Variants in AKAP19 observed in about 807,000 individuals in gnomAD.
AKAP19 encodes small A-kinase anchoring protein.
At chr2:189,967,087 A>G in the AKAP19 span, among the ~76,000 whole-genome samples, 2 of 152,206 alleles carry the variant, frequency 1.3e-5, no homozygotes, top group African/African-American at 2.4e-5. Flanking sequence ...GACTTTGTAC[A>G]TAATTTCTTA....
chr2:189,930,841 G>T, the AKAP19 span: 1 of 771,142 alleles, frequency 1.3e-6, no homozygotes, highest in Non-Finnish European at 2.4e-6. Context: ...AATTTGTTAG[G>T]ATAGGTGTTT....
the AKAP19 span, among the ~76,000 whole-genome samples, chr2:190,183,354 A>G: frequency 6.6e-6 from 1 of 152,210 alleles, no homozygotes; most frequent in Non-Finnish European, 1.5e-5. Flanking sequence ...ATTCTAGTCC[A>G]TAGAGCAGTC....
chr2:190,038,965 TTCTTCTTTC>T, the AKAP19 span, among the ~76,000 whole-genome samples: 2 of 146,798 alleles, frequency 1.4e-5, no homozygotes, highest in African/African-American at 5.3e-5. Flanking sequence ...CTTCTTCTTC[TTCTTCTTTC>T]TTCTTCTTCT....
chr2:189,967,194 C>G, the AKAP19 span, among the ~76,000 whole-genome samples: 1 of 152,156 alleles, frequency 6.6e-6, no homozygotes, highest in African/African-American at 2.4e-5. Context: ...TGCCTGTGAC[C>G]TGGTTTTCAC....
chr2:189,973,441 T>C, the AKAP19 span, among the ~76,000 whole-genome samples: 2 of 152,178 alleles, frequency 1.3e-5, no homozygotes, highest in Non-Finnish European at 2.9e-5. Context: ...TGGTCTAAAA[T>C]TCTCTTTTTT....
chr2:190,028,696 T>C, the AKAP19 span, among the ~76,000 whole-genome samples: 1 of 152,186 alleles, frequency 6.6e-6, no homozygotes, highest in African/African-American at 2.4e-5. Flanking sequence ...GTATACAAAG[T>C]ACATTATTAT....
At chr2:190,053,566 C>A in the AKAP19 span, among the ~76,000 whole-genome samples, 2 of 152,102 alleles carry the variant, frequency 1.3e-5, no homozygotes, top group Non-Finnish European at 2.9e-5. Context: ...TGCTTTGATA[C>A]GTTTTGCAGT....
At chr2:190,023,416 A>G in the AKAP19 span, among the ~76,000 whole-genome samples, 4 of 152,236 alleles carry the variant, frequency 2.6e-5, no homozygotes, top group East Asian at 7.7e-4. Flanking sequence ...CACTAAAATA[A>G]ATAAAAGCAT....
At chr2:190,051,148 TAGTC>T in the AKAP19 span, among the ~76,000 whole-genome samples, 1 of 152,238 alleles carries the variant, frequency 6.6e-6, no homozygotes, top group Admixed American at 6.5e-5. Flanking sequence ...ATACCCATCT[TAGTC>T]ATTTATTACT....
the AKAP19 span, among the ~76,000 whole-genome samples, chr2:189,925,841 A>G: frequency 3.3e-5 from 5 of 152,196 alleles, no homozygotes; most frequent in Non-Finnish European, 2.9e-5. Context: ...GAAAATATAC[A>G]TTATCAAAGC....
the AKAP19 span, among the ~76,000 whole-genome samples, chr2:189,896,076 G>T: frequency 6.6e-6 from 1 of 150,866 alleles, no homozygotes; most frequent in African/African-American, 2.4e-5. Flanking sequence ...CACATTCATT[G>T]TGTTCTTTCA....
chr2:189,981,183 A>G, the AKAP19 span, among the ~76,000 whole-genome samples: 1 of 151,596 alleles, frequency 6.6e-6, no homozygotes, highest in Non-Finnish European at 1.5e-5. Flanking sequence ...TTAAACCTGG[A>G]TGCTCCAATG....
the AKAP19 span, among the ~76,000 whole-genome samples, chr2:190,038,893 TTTCTTTCTTTC>T: frequency 9.4e-5 from 4 of 42,440 alleles, no homozygotes; most frequent in Non-Finnish European, 1.6e-4. Flanking sequence ...TCTTTCTTTC[TTTCTTTCTTTC>T]TTCTTCTTCT....
chr2:189,937,197 G>A, the AKAP19 span, among the ~76,000 whole-genome samples: 1 of 152,108 alleles, frequency 6.6e-6, no homozygotes, highest in Non-Finnish European at 1.5e-5. Flanking sequence ...AGCTGATGAT[G>A]GTTATATGGA....
At chr2:189,940,278 CAAAAAAA>C in the AKAP19 span, among the ~76,000 whole-genome samples, 4 of 109,482 alleles carry the variant, frequency 3.7e-5, no homozygotes, top group Non-Finnish European at 5.8e-5. Flanking sequence ...GACTTCATCT[CAAAAAAA>C]AAAAAAAAAA....
the AKAP19 span, among the ~76,000 whole-genome samples, chr2:189,909,893 A>G: frequency 1.3e-5 from 2 of 151,884 alleles, no homozygotes; most frequent in Non-Finnish European, 2.9e-5. Context: ...AATAACTACT[A>G]GTTTCGATAG....
the AKAP19 span, among the ~76,000 whole-genome samples, chr2:190,006,117 A>T: frequency 6.6e-5 from 10 of 152,250 alleles, no homozygotes; most frequent in Admixed American, 5.9e-4. Context: ...CGAATAACAC[A>T]GTATTCTTAT....
chr2:189,941,160 A>T, the AKAP19 span, among the ~76,000 whole-genome samples: 2 of 152,230 alleles, frequency 1.3e-5, no homozygotes. Flanking sequence ...TAAAGGAGAG[A>T]TAAAGCCTTT....
At chr2:189,893,786 A>G in the AKAP19 span, among the ~76,000 whole-genome samples, 1 of 152,226 alleles carries the variant, frequency 6.6e-6, no homozygotes, top group Non-Finnish European at 1.5e-5. Flanking sequence ...AAAAAAGGCA[A>G]TAAAAAAATA....
Sources: gnomAD v4.1 joint callset for allele counts (sites outside exome capture counted in the v4.1 genomes callset) on GRCh38, gnomAD v4.1.1 for gene constraint, MANE v1.5 for transcripts, NCBI Gene and HGNC (gene_info 2026-07-23, HGNC 2026-07-21) for gene names.